The following CTSO variants were observed in gnomAD, a reference collection of about 807,000 sequenced individuals.
The protein encoded by CTSO is cathepsin O.
In CTSO, 40 loss-of-function variants were observed where a neutral mutation model predicts 42.4. The observed-to-expected ratio is 0.94, with a 90% CI of 0.73 to 1.23. CTSO has a LOEUF of 1.23. CTSO is among the 50% of genes most tolerant of loss of function. The probability of loss-of-function intolerance (pLI) is 0.00; values close to 1 mark genes in which losing one functional copy is unlikely to be tolerated. For synonymous variants in CTSO, 156 were observed against 146.2 expected, an observed-to-expected ratio of 1.07 and a Z score of -0.48; for missense variants, 441 against 396.0, an observed-to-expected ratio of 1.11 and a Z score of -0.96.
intron 3 of CTSO, among the ~76,000 whole-genome samples, chr4:155,941,546 A>G (rs928288741): frequency 6.6e-6 from 1 of 152,224 alleles, no homozygotes; most frequent in Non-Finnish European, 1.5e-5. Context: ...TATTTATTGC[A>G]GTACTTACAT....
intron 1 of CTSO, among the ~76,000 whole-genome samples, chr4:155,951,529 T>C (rs1174567663): frequency 1.3e-5 from 2 of 152,232 alleles, no homozygotes; most frequent in Non-Finnish European, 2.9e-5. Flanking sequence ...GGGAAAGTCA[T>C]GGGCTAACCT....
intron 5 of CTSO, among the ~76,000 whole-genome samples, chr4:155,935,330 T>C (rs1233517692): frequency 2.6e-5 from 4 of 152,174 alleles, no homozygotes; most frequent in Non-Finnish European, 5.9e-5. Flanking sequence ...AGCAGACTAA[T>C]ACAGGGACAG....
At chr4:155,931,344 T>C (rs1743230424) in intron 5 of CTSO, among the ~76,000 whole-genome samples, 1 of 152,148 alleles carries the variant, frequency 6.6e-6, no homozygotes, top group Admixed American at 6.5e-5. Flanking sequence ...AAGATCCAGT[T>C]TCAGGGATAC....
intron 6 of CTSO, among the ~76,000 whole-genome samples, chr4:155,929,277 G>A (rs1206183768): frequency 6.6e-6 from 1 of 152,164 alleles, no homozygotes. Flanking sequence ...TCTCAGCTCT[G>A]AAGGCTGTGA....
At chr4:155,931,851 A>G (rs1257647166) in intron 5 of CTSO, among the ~76,000 whole-genome samples, 2 of 150,800 alleles carry the variant, frequency 1.3e-5, no homozygotes, top group Non-Finnish European at 3.0e-5. Context: ...ATTATTATTC[A>G]TTATTATTAT....
Position 155,952,682 on chromosome 4 carries a change from A to G in CTSO, c.135+1031T>C, listed in dbSNP as rs1019024785. On this transcript the variant is annotated intron_variant, in intron 1 of 7. Coordinates refer to ENST00000433477, the MANE Select transcript of CTSO (RefSeq NM_001334.3). ...ACAAAACGTAAGAGTGGACAGAATC[A>G]GGGAAGGCTGGCCTTCCTAAACATT... is the stretch of plus-strand genomic sequence containing the variant. 7.9e-5 allele frequency among the ~76,000 whole-genome samples: 12 copies of G among 152,358 alleles called. No individual in the cohort carries two copies. The East Asian group carries it at 2.3e-3, about 29-fold the overall frequency.
At chr4:155,926,171 C>T in intron 7 of CTSO, 101 bp from the exon 8 acceptor site, 2 of 771,084 alleles carry the variant, frequency 2.6e-6, no homozygotes, top group African/African-American at 3.5e-5. Flanking sequence ...AGAGTATCTA[C>T]TGAGAAAATA....
intron 1 of CTSO, among the ~76,000 whole-genome samples, chr4:155,945,225 C>T (rs541662258): frequency 8.0e-4 from 122 of 151,836 alleles, no homozygotes; most frequent in African/African-American, 2.9e-3. Context: ...GCACTGCACT[C>T]CAGCCTGGAC....
chr4:155,938,463 G>T (rs962687957), intron 4 of CTSO, among the ~76,000 whole-genome samples: 5 of 152,152 alleles, frequency 3.3e-5, no homozygotes, highest in African/African-American at 1.2e-4. Flanking sequence ...TCATGCAGTT[G>T]ATATCGGATC....
chr4:155,944,607 T>C (rs1275900031), intron 1 of CTSO, among the ~76,000 whole-genome samples: 1 of 152,156 alleles, frequency 6.6e-6, no homozygotes, highest in African/African-American at 2.4e-5. Flanking sequence ...GCCATGAGAA[T>C]GTGCCTCCCA....
At chr4:155,937,528 A>T (rs1190971527) in intron 4 of CTSO, 45 bp from the exon 5 acceptor site, 1 of 1,576,344 alleles carries the variant, frequency 6.3e-7, no homozygotes, top group South Asian at 1.1e-5. Context: ...CAATTGTTTT[A>T]TAAATCAAAT....
At chr4:155,938,389 A>G (rs1743368688) in intron 4 of CTSO, among the ~76,000 whole-genome samples, 1 of 152,210 alleles carries the variant, frequency 6.6e-6, no homozygotes, top group Non-Finnish European at 1.5e-5. Context: ...AAGAGAATTC[A>G]GGTTTGGGGA....
intron 1 of CTSO, 136 bp downstream of exon 1, chr4:155,953,577 C>T: frequency 9.1e-7 from 1 of 1,098,422 alleles, no homozygotes; most frequent in Non-Finnish European, 1.2e-6. Flanking sequence ...ACCCGCAGCT[C>T]AGGGCCCCAG....
In CTSO at chr4:155,928,319, A is replaced by C; in HGVS notation, c.931+17T>G. The C allele has an allele frequency of 1.3e-6, 2 of 1,580,958 alleles. No individual in the cohort carries two copies. The highest frequency in any genetic ancestry group is 1.7e-6 in the Non-Finnish European group (2 of 1,153,652). ...TAATATTTATATTGAGGTTTTAAACACAAACTCATGACTTACCACAAACAT... is the reference window on the plus strand; with the variant it reads ...TAATATTTATATTGAGGTTTTAAACCCAAACTCATGACTTACCACAAACAT... On this transcript the variant is annotated intron_variant, in intron 7 of 7. Coordinates refer to ENST00000433477, the MANE Select transcript of CTSO (RefSeq NM_001334.3).
intron 7 of CTSO, 99 bp from the exon 8 acceptor site, chr4:155,926,169 T>G: frequency 1.3e-6 from 1 of 786,578 alleles, no homozygotes; most frequent in Non-Finnish European, 2.1e-6. Flanking sequence ...AAAGAGTATC[T>G]ACTGAGAAAA....
At chr4:155,940,927 T>TA (rs34103300) in intron 3 of CTSO, among the ~76,000 whole-genome samples, 77 of 146,294 alleles carry the variant, frequency 5.3e-4, no homozygotes, top group African/African-American at 1.1e-3. Flanking sequence ...AGTTCCTGCT[T>TA]AAAAAAAAAA....
At chr4:155,941,653 G>A (rs184133944) in intron 3 of CTSO, among the ~76,000 whole-genome samples, 35 of 152,310 alleles carry the variant, frequency 2.3e-4, no homozygotes, top group Admixed American at 1.2e-3. Context: ...CGTAGGTAGT[G>A]TAACCTAACC....
At chr4:155,936,187 C>T (rs373379846) in intron 5 of CTSO, among the ~76,000 whole-genome samples, 12 of 152,206 alleles carry the variant, frequency 7.9e-5, no homozygotes, top group African/African-American at 2.6e-4. Context: ...ACTCAGTGAC[C>T]CTGCACATTT....
At position 155,937,411 on chromosome 4, in the gene CTSO, C is replaced by G; in HGVS notation, c.625G>C (p.Gly209Arg). 6.2e-7 allele frequency: 1 copy of G among 1,612,336 alleles called. No homozygotes were observed. Among genetic ancestry groups the G allele is most frequent in the Non-Finnish European group, 8.5e-7 (1 of 1,178,664 alleles). ...AQNGLCHYFSGSHSGFSIKGY... is the reference protein window; with the variant it reads ...AQNGLCHYFSRSHSGFSIKGY... ...TTGATTGAAAATCCAGAATGTGAAC[C>G]AGAAAAGTAATGGCACAGACCATTT... Residue 209 changes from glycine (G) to arginine (R), a missense_variant, in exon 5 of 8, where the codon GGT becomes CGT. By Grantham distance (125) the Gly-to-Arg change is moderately radical. Coordinates refer to ENST00000433477, the MANE Select transcript of CTSO (RefSeq NM_001334.3).
Sources: gnomAD v4.1 joint callset for allele counts (sites outside exome capture counted in the v4.1 genomes callset) on GRCh38, gnomAD v4.1.1 for gene constraint, MANE v1.5 for transcripts, NCBI Gene and HGNC (gene_info 2026-07-23, HGNC 2026-07-21) for gene names.